PCDHA2: variants seen among roughly 807,000 people sequenced by gnomAD.
PCDHA2 encodes protocadherin alpha-2.
PCDHA2 carries 58 observed loss-of-function variants against 66.0 expected under a neutral mutation model. The observed-to-expected ratio is 0.88, with a 90% CI of 0.71 to 1.09. The LOEUF is 1.09. Among genes scored for constraint, PCDHA2 ranks in the 50% least tolerant of loss-of-function variants. PCDHA2 has a pLI of 0.00. For missense variants in PCDHA2, 1,267 were observed against 1,242.3 expected (o/e 1.02, Z -0.30); for synonymous variants, 634 against 554.0 (o/e 1.14, Z -2.03).
intron 1 of PCDHA2, chr5:140,926,544 C>G (rs9765406): frequency 0.16 from 35,740 of 221,378 alleles, 3,305 homozygotes; most frequent in African/African-American, 0.26. Context: ...GCGTGGTGGT[C>G]GAGACCCCAG....
At chr5:140,967,749 C>T (rs1554229896) in intron 1 of PCDHA2, 1 of 1,614,172 alleles carries the variant, frequency 6.2e-7, no homozygotes, top group African/African-American at 1.3e-5. Context: ...TATGAGGAAG[C>T]CTCCTCCTAC....
At chr5:140,956,551 C>T (rs995941205) in intron 1 of PCDHA2, among the ~76,000 whole-genome samples, 1 of 152,148 alleles carries the variant, frequency 6.6e-6, no homozygotes, top group Non-Finnish European at 1.5e-5. Context: ...ATTTGGTTTG[C>T]CAGTATCTTA....
Position 140,802,687 on chromosome 5 carries a change from G to C in PCDHA2, c.2388+5335G>C, listed in dbSNP as rs1435507405. On this transcript the variant is annotated intron_variant, in intron 1 of 3. Transcript: ENST00000526136. ...CTGGTGTCCTACTCGCTGGTGGAACGGCGGGTGGGGGAGCGCGCGCTGTCG... is the reference window on the plus strand; with the variant it reads ...CTGGTGTCCTACTCGCTGGTGGAACCGCGGGTGGGGGAGCGCGCGCTGTCG... 1.9e-6 allele frequency: 3 copies of C among 1,613,008 alleles called. No individual in the cohort carries two copies. The South Asian group carries it at 3.3e-5, about 18-fold the overall frequency.
rs570244920 is a variant in PCDHA2, at chr5:140,897,293, A to G, written c.2389-81656A>G. Reference sequence around the variant, plus strand: ...GGTGTGCTGCACCCATTAACTCGTCATTTAGCATTAGGTATATCTCCTAAA... The same window carrying G: ...GGTGTGCTGCACCCATTAACTCGTCGTTTAGCATTAGGTATATCTCCTAAA... On this transcript the variant is annotated intron_variant, in intron 1 of 3. Transcript: ENST00000526136. Among the ~76,000 whole-genome samples the G allele has an allele frequency of 1.2e-4, 18 of 149,820 alleles. No homozygotes were observed. In the South Asian group the frequency reaches 3.5e-3, roughly 29 times the overall value.
At chr5:140,841,796 G>A in intron 1 of PCDHA2, 2 of 1,613,920 alleles carry the variant, frequency 1.2e-6, no homozygotes, top group Non-Finnish European at 8.5e-7. Flanking sequence ...GGGCGCGTCC[G>A]ATGCAGATGT....
chr5:140,880,836 A>G (rs1228476405), intron 1 of PCDHA2, among the ~76,000 whole-genome samples: 1 of 152,218 alleles, frequency 6.6e-6, no homozygotes, highest in Non-Finnish European at 1.5e-5. Context: ...GCATATTTTA[A>G]ATGGTTGACT....
chr5:140,869,403 G>C, intron 1 of PCDHA2: 3 of 1,614,206 alleles, frequency 1.9e-6, no homozygotes, highest in Non-Finnish European at 2.5e-6. Flanking sequence ...GGCAGAGCGC[G>C]GAGTGCAGCA....
At chr5:140,805,439 G>T (rs1581672644) in intron 1 of PCDHA2, 1 of 1,023,338 alleles carries the variant, frequency 9.8e-7, no homozygotes, top group Non-Finnish European at 1.2e-6. Context: ...TTTGGTTTTT[G>T]TGTGTGTGTG....
chr5:140,938,926 T>C (rs149516801), intron 1 of PCDHA2, among the ~76,000 whole-genome samples: 9 of 152,172 alleles, frequency 5.9e-5, no homozygotes, highest in Non-Finnish European at 1.2e-4. Context: ...AGAAATTGGC[T>C]TTTAACTTTC....
intron 1 of PCDHA2, chr5:140,805,800 A>T (rs1763632651): frequency 6.0e-6 from 1 of 167,522 alleles, no homozygotes; most frequent in Non-Finnish European, 1.2e-5. Context: ...ATCTTTAGAA[A>T]ATCATAGAGG....
chr5:140,900,381 G>A lies in PCDHA2; in HGVS notation c.2389-78568G>A, dbSNP rs149167159. 1.2e-4 allele frequency among the ~76,000 whole-genome samples: 19 copies of A among 152,024 alleles called. 1 individual carries two copies. The East Asian group carries it at 2.1e-3, about 17-fold the overall frequency. ...CAACCTCTGCCTCCTGGGTTCAAGC[G>A]ATTCTCCTGCCTCAGCCTCCCAAGT... is the stretch of plus-strand genomic sequence containing the variant. On this transcript the variant is annotated intron_variant, in intron 1 of 3. Transcript: ENST00000526136.
chr5:140,842,884 G>T, intron 1 of PCDHA2: 1 of 1,594,190 alleles, frequency 6.3e-7, no homozygotes, highest in South Asian at 1.1e-5. Context: ...ACGCGCTGCA[G>T]CCGCTGGACC....
chr5:140,915,887 TC>T (rs1276492784), intron 1 of PCDHA2, among the ~76,000 whole-genome samples: 1 of 152,078 alleles, frequency 6.6e-6, no homozygotes, highest in African/African-American at 2.4e-5. Context: ...GGTAGCAAGT[TC>T]CCCCTGGCCC....
intron 3 of PCDHA2, among the ~76,000 whole-genome samples, chr5:140,990,800 A>C (rs1474894854): frequency 3.9e-5 from 6 of 152,216 alleles, no homozygotes; most frequent in Non-Finnish European, 2.9e-5. Context: ...CATGGAATAC[A>C]GAAGAAGCTC....
chr5:140,871,427 T>C (rs782140666), intron 1 of PCDHA2: 1 of 1,613,326 alleles, frequency 6.2e-7, no homozygotes, highest in South Asian at 1.1e-5. Context: ...AGCCCCAGTC[T>C]TCCTCTAGGT....
intron 1 of PCDHA2, chr5:140,884,353 T>C: frequency 1.2e-6 from 2 of 1,613,886 alleles, no homozygotes; most frequent in Non-Finnish European, 1.7e-6. Context: ...CGCTGGTGGA[T>C]GTCAATGTTT....
chr5:140,883,507 G>T (rs782325165), intron 1 of PCDHA2: 1 of 1,614,200 alleles, frequency 6.2e-7, no homozygotes, highest in South Asian at 1.1e-5. Flanking sequence ...ACAGCGCCCT[G>T]GACCGCGAGA....
intron 1 of PCDHA2, among the ~76,000 whole-genome samples, chr5:140,910,717 T>C (rs1349205242): frequency 1.3e-5 from 2 of 152,142 alleles, no homozygotes; most frequent in African/African-American, 4.8e-5. Flanking sequence ...CATCTTTTAA[T>C]CCATATTTCA....
Position 140,978,986 on chromosome 5 carries a change from C to A in PCDHA2, c.2426C>A (p.Ser809Tyr). The change falls in exon 2 of 4, where the codon TCC becomes TAC. Residue 809 changes from serine (S) to tyrosine (Y), a missense_variant. Ser to Tyr is a moderately radical substitution (Grantham distance 144). Coordinates refer to ENST00000526136, the MANE Select transcript of PCDHA2 (RefSeq NM_018905.3). ...AACCCTGACTGGCGTTACTCTGCCT[C>A]CCTGAGAGCAGGCATGCACAGGTAT... ...QPNPDWRYSA[S>Y]LRAGMHSSVH... is the part of the protein sequence containing the mutation. The A allele has an allele frequency of 6.2e-7, 1 of 1,614,190 alleles. No homozygotes were observed. The highest frequency in any genetic ancestry group is 1.7e-5 in the Admixed American group (1 of 60,026).
Sources: allele counts gnomAD v4.1 joint callset (sites outside exome capture counted in the v4.1 genomes callset), GRCh38; gene constraint gnomAD v4.1.1; transcripts MANE v1.5; gene names NCBI Gene and HGNC (gene_info 2026-07-23, HGNC 2026-07-21).